MUC13: variants seen among roughly 807,000 people sequenced by gnomAD.
MUC13 encodes the protein mucin-13.
In MUC13, 32 loss-of-function variants were observed where a neutral mutation model predicts 48.3. That is an observed-to-expected ratio of 0.66 (90% CI 0.50 to 0.89). The LOEUF (loss-of-function observed/expected upper bound fraction) is 0.89. Ranked by LOEUF, MUC13 falls within the 40% of genes least tolerant of loss-of-function variation. The probability of loss-of-function intolerance (pLI) is 0.00; values close to 1 mark genes in which losing one functional copy is unlikely to be tolerated. For missense variants in MUC13, 571 were observed against 622.8 expected (o/e 0.92, Z 0.88); for synonymous variants, 199 against 224.9 (o/e 0.88, Z 1.03).
chr3:124,918,546 A>C (rs942339553), intron 5 of MUC13, among the ~76,000 whole-genome samples: 2 of 152,190 alleles, frequency 1.3e-5, no homozygotes, highest in African/African-American at 4.8e-5. Context: ...CATACAGGGA[A>C]TCTTCCAAAT....
At chr3:124,934,593 G>T in intron 1 of MUC13, 68 bp downstream of exon 1, 1 of 1,086,228 alleles carries the variant, frequency 9.2e-7, no homozygotes, top group Non-Finnish European at 1.4e-6. Flanking sequence ...GTAGCTATAG[G>T]CCTGCTGATT....
At chr3:124,923,469 G>C (rs1225282214) in intron 3 of MUC13, 58 bp downstream of exon 3, 1 of 1,547,874 alleles carries the variant, frequency 6.5e-7, no homozygotes, top group Non-Finnish European at 8.7e-7. Flanking sequence ...TTGAGTTTTC[G>C]ATTCCACTTT....
intron 9 of MUC13, 113 bp from the exon 10 acceptor site, chr3:124,910,612 G>C: frequency 6.7e-7 from 1 of 1,491,510 alleles, no homozygotes; most frequent in Admixed American, 2.2e-5. Context: ...TCAGGTTCTG[G>C]TCTCCAACCC....
intron 2 of MUC13, among the ~76,000 whole-genome samples, chr3:124,924,076 G>A (rs897684353): frequency 6.6e-6 from 1 of 152,070 alleles, no homozygotes; most frequent in Non-Finnish European, 1.5e-5. Context: ...TGTCATATAG[G>A]AAGAAACAGC....
In MUC13 at chr3:124,923,540, A is replaced by G; in HGVS notation, c.624T>C (p.Ser208=). ...LCLEGYYYNS[S]TCKKGKVFPG... ...CTTGTAACTCACCTTTCTTACATGT[A>G]GAAGAGTTGTAGTAATACCCTTCTA... The change falls in exon 3 of 12, where the codon TCT becomes TCC. Residue 208 remains serine, a synonymous_variant. Transcript: ENST00000616727. 6.2e-7 allele frequency: 1 copy of G among 1,613,652 alleles called. No homozygotes were observed. Among genetic ancestry groups the G allele is most frequent in the Non-Finnish European group, 8.5e-7 (1 of 1,179,838 alleles).
chr3:124,914,669 G>T (rs1431382389), intron 6 of MUC13, among the ~76,000 whole-genome samples: 1 of 152,178 alleles, frequency 6.6e-6, no homozygotes, highest in Non-Finnish European at 1.5e-5. Context: ...GCTCACACCT[G>T]TAATCCCAGC....
chr3:124,909,270 T>C (rs949620789), intron 10 of MUC13, among the ~76,000 whole-genome samples: 1 of 152,178 alleles, frequency 6.6e-6, no homozygotes, highest in African/African-American at 2.4e-5. Flanking sequence ...ATGAACTAAA[T>C]GTTAGAAAAC....
rs34269225 is a variant in MUC13 at position 124,905,686 on chromosome 3, A to G, written c.*1057T>C. Reference sequence around the variant, plus strand: ...GTCACCAGAGAAGGCTGAGGCCCCAATGGCACACCTCAGAAACCTACACCC... The same window carrying G: ...GTCACCAGAGAAGGCTGAGGCCCCAGTGGCACACCTCAGAAACCTACACCC... On this transcript the variant is annotated 3_prime_UTR_variant, in exon 12 of 12. Coordinates refer to ENST00000616727, the MANE Select transcript of MUC13 (RefSeq NM_033049.4). The G allele has an allele frequency of 4.0e-3, 618 of 153,220 alleles. 1 individual carries two copies. Among genetic ancestry groups the G allele is most frequent in the Admixed American group, 9.0e-3 (137 of 15,298 alleles). The allele number at this position is 153,220 out of a possible 1,614,324, so 9.5% of individuals were successfully genotyped here.
chr3:124,917,071 T>C (rs892693770), intron 5 of MUC13, among the ~76,000 whole-genome samples: 3 of 152,062 alleles, frequency 2.0e-5, no homozygotes, highest in Admixed American at 6.5e-5. Context: ...GCGGGAAACA[T>C]GAGCAAATCC....
chr3:124,909,848 T>C (rs1382606652), intron 10 of MUC13, among the ~76,000 whole-genome samples: 3 of 152,140 alleles, frequency 2.0e-5, no homozygotes, highest in South Asian at 4.1e-4. Flanking sequence ...TTTAATGACA[T>C]AAGGAAATGG....
At chr3:124,918,507 T>C (rs1379094657) in intron 5 of MUC13, among the ~76,000 whole-genome samples, 1 of 152,240 alleles carries the variant, frequency 6.6e-6, no homozygotes, top group Non-Finnish European at 1.5e-5. Flanking sequence ...AAACAGATGA[T>C]GTTGAAATCA....
intron 4 of MUC13, among the ~76,000 whole-genome samples, chr3:124,921,306 C>T (rs959148534): frequency 3.9e-5 from 6 of 152,128 alleles, no homozygotes; most frequent in South Asian, 2.1e-4. Context: ...CCTGCCACCA[C>T]GCCTGGCTAA....
chr3:124,931,537 C>T (rs996236801), intron 1 of MUC13, among the ~76,000 whole-genome samples: 10 of 146,104 alleles, frequency 6.8e-5, no homozygotes, highest in African/African-American at 2.6e-4. Context: ...CACCTGAGGT[C>T]AGGAGTTTGG....
intron 1 of MUC13, among the ~76,000 whole-genome samples, chr3:124,928,233 G>C (rs1004931676): frequency 3.3e-5 from 5 of 150,554 alleles, no homozygotes; most frequent in Admixed American, 6.6e-5. Flanking sequence ...ATTCTTTTCT[G>C]GAAAAATGAA....
intron 11 of MUC13, 22 bp downstream of exon 11, chr3:124,908,125 G>A (rs1935348189): frequency 6.2e-7 from 1 of 1,613,210 alleles, no homozygotes; most frequent in Non-Finnish European, 8.5e-7. Context: ...CCAAAAGCAG[G>A]AGAAAAAGCC....
Position 124,925,460 on chromosome 3 carries a change from T to C in MUC13, c.515-1811A>G, listed in dbSNP as rs189807011. ...GTAAACTATGGTCTGTAGGTGATAATGATGTGTCACTGGAGGTTTATCAAT... is the reference window on the plus strand; with the variant it reads ...GTAAACTATGGTCTGTAGGTGATAACGATGTGTCACTGGAGGTTTATCAAT... On this transcript the variant is annotated intron_variant, in intron 2 of 11. Transcript: ENST00000616727. Among the ~76,000 whole-genome samples, 374 of 152,324 alleles carry C rather than the reference T, an allele frequency of 2.5e-3. 2 individuals carry two copies. Among genetic ancestry groups the C allele is most frequent in the Non-Finnish European group, 4.5e-3 (304 of 68,032 alleles).
At chr3:124,926,978 G>A (rs1355387105) in intron 2 of MUC13, among the ~76,000 whole-genome samples, 1 of 152,200 alleles carries the variant, frequency 6.6e-6, no homozygotes, top group Non-Finnish European at 1.5e-5. Context: ...CAAAGCATCT[G>A]TCCTTTGGAC....
chr3:124,923,988 C>T (rs9859266), intron 2 of MUC13, among the ~76,000 whole-genome samples: 117,228 of 152,114 alleles, frequency 0.77, 45,483 homozygotes, highest in East Asian at 0.83. Flanking sequence ...AACCTTGAAG[C>T]ATGGTCCTCT....
intron 6 of MUC13, among the ~76,000 whole-genome samples, chr3:124,915,854 T>C (rs1222928126): frequency 6.6e-6 from 1 of 152,066 alleles, no homozygotes; most frequent in East Asian, 1.9e-4. Context: ...CCTGGCTAAT[T>C]TTTTGTAGAG....
Sources: gnomAD v4.1 joint callset for allele counts (sites outside exome capture counted in the v4.1 genomes callset) on GRCh38, gnomAD v4.1.1 for gene constraint, MANE v1.5 for transcripts, NCBI Gene and HGNC (gene_info 2026-07-23, HGNC 2026-07-21) for gene names.